Variants in NDUFAF6 observed in about 807,000 individuals in gnomAD.
The protein encoded by NDUFAF6 is NADH dehydrogenase (ubiquinone) complex I, assembly factor 6.
A neutral mutation model predicts 40.8 loss-of-function variants in NDUFAF6; 45 were observed. That is an observed-to-expected ratio of 1.10 (90% CI 0.87 to 1.42). The LOEUF (loss-of-function observed/expected upper bound fraction) is 1.42, where lower values mean the gene tolerates loss of function less well. Ranked by LOEUF, NDUFAF6 falls within the 40% of genes most tolerant of loss-of-function variation. The pLI is 0.00. For missense variants in NDUFAF6, 435 were observed against 418.5 expected (o/e 1.04, Z -0.34); for synonymous variants, 185 against 155.9 (o/e 1.19, Z -1.39).
intron 6 of NDUFAF6, among the ~76,000 whole-genome samples, chr8:95,047,814 T>C (rs112990296): frequency 4.0e-5 from 6 of 151,800 alleles, no homozygotes; most frequent in African/African-American, 9.7e-5. Flanking sequence ...CGGCGAGAAC[T>C]TTGTTTTCTA....
At chr8:95,018,980 C>T (rs1827580498) in intron 2 of NDUFAF6, among the ~76,000 whole-genome samples, 1 of 152,184 alleles carries the variant, frequency 6.6e-6, no homozygotes, top group South Asian at 2.1e-4. Context: ...ATGACATTAT[C>T]ATCAGGATAA....
chr8:95,090,631 G>A (rs555477714), intron 2 of NDUFAF6, among the ~76,000 whole-genome samples: 2 of 152,282 alleles, frequency 1.3e-5, no homozygotes, highest in African/African-American at 4.8e-5. Flanking sequence ...AATACTAGGA[G>A]GGTGTGATGG....
chr8:95,058,498 A>G lies in NDUFAF6; in HGVS notation c.*561A>G, dbSNP rs1832457942. 8.2e-7 allele frequency: 1 copy of G among 1,226,794 alleles called. No homozygotes were observed. The highest frequency in any genetic ancestry group is 4.2e-5 in the Admixed American group (1 of 23,544). The allele number at this position is 1,226,794 out of a possible 1,614,324, so 76.0% of individuals were successfully genotyped here. On this transcript the variant is annotated 3_prime_UTR_variant, in exon 9 of 9. Coordinates refer to ENST00000396124, the MANE Select transcript of NDUFAF6 (RefSeq NM_152416.4). ...AAAATTTATCCATGATAATAACATA[A>G]CTTCTTTAAGGTTGGAGTGGCTGGC...
In NDUFAF6 at chr8:95,086,258, G is replaced by T. The variant is rs377230602; in HGVS notation, n.213+10506G>T. 1.6e-3 allele frequency among the ~76,000 whole-genome samples: 249 copies of T among 152,298 alleles called. 3 individuals are homozygous for T. In the South Asian group the frequency reaches 0.017, roughly 11 times the overall value. On this transcript the variant is annotated intron_variant and non_coding_transcript_variant, in intron 2 of 5. Transcript: ENST00000523184. ...GCCCTACCTTTAATCGGGCTGTGAGGATAGCGACAGGTAATGCCAACTGCA... is the reference window on the plus strand; with the variant it reads ...GCCCTACCTTTAATCGGGCTGTGAGTATAGCGACAGGTAATGCCAACTGCA...
chr8:95,049,763 A>G (rs1367872454), intron 7 of NDUFAF6, among the ~76,000 whole-genome samples: 1 of 151,768 alleles, frequency 6.6e-6, no homozygotes, highest in Non-Finnish European at 1.5e-5. Context: ...CTTTTCCATC[A>G]CCCTCAGTCT....
chr8:94,944,504 A>C (rs527913958), intron 1 of NDUFAF6, among the ~76,000 whole-genome samples: 1 of 152,312 alleles, frequency 6.6e-6, no homozygotes, highest in African/African-American at 2.4e-5. Context: ...GGAGCAGTAC[A>C]AGTCAGTGCT....
chr8:95,080,245 GTAGTGTATTTTTTGTAGTGATTTTTT>G (rs1554689643), downstream of NDUFAF6, among the ~76,000 whole-genome samples: 1 of 150,982 alleles, frequency 6.6e-6, no homozygotes, highest in Non-Finnish European at 1.5e-5. Flanking sequence ...GTGATTTTTT[GTAGTGTATTTTTTGTAGTGATTTTTT>G]GTAGTGTATT....
At chr8:95,105,756 C>T (rs1809825716), downstream of NDUFAF6, among the ~76,000 whole-genome samples, 1 of 151,856 alleles carries the variant, frequency 6.6e-6, no homozygotes, top group South Asian at 2.1e-4. Context: ...CTGCCTTGGC[C>T]TCCCAAATTG....
chr8:95,086,392 C>A (rs935534679), intron 2 of NDUFAF6, among the ~76,000 whole-genome samples: 2 of 152,188 alleles, frequency 1.3e-5, no homozygotes, highest in Admixed American at 1.3e-4. Context: ...TTGCTATTTT[C>A]ATTTGTTACT....
chr8:95,076,777 G>A (rs184374092), downstream of NDUFAF6, among the ~76,000 whole-genome samples: 37 of 151,578 alleles, frequency 2.4e-4, no homozygotes, highest in Admixed American at 2.3e-3. Context: ...GGAGGCTGAG[G>A]CAGGAGAATT....
intron 2 of NDUFAF6, among the ~76,000 whole-genome samples, chr8:94,992,851 G>C (rs558660199): frequency 1.3e-5 from 2 of 152,260 alleles, no homozygotes; most frequent in South Asian, 4.1e-4. Flanking sequence ...AATATTTGTT[G>C]AATGCCGATG....
At chr8:94,955,927 A>G (rs1823030557), upstream of NDUFAF6, among the ~76,000 whole-genome samples, 1 of 152,234 alleles carries the variant, frequency 6.6e-6, no homozygotes, top group African/African-American at 2.4e-5. Context: ...CTCAAACACA[A>G]GTGCAATAGA....
intron 1 of NDUFAF6, among the ~76,000 whole-genome samples, chr8:94,963,749 TCTAGGGAG>T (rs1316264955): frequency 6.6e-6 from 1 of 152,002 alleles, no homozygotes; most frequent in East Asian, 1.9e-4. Flanking sequence ...TGACAGCAGG[TCTAGGGAG>T]CCAGACATCT....
intron 1 of NDUFAF6, among the ~76,000 whole-genome samples, chr8:94,976,639 A>G (rs1389180826): frequency 6.6e-6 from 1 of 151,240 alleles, no homozygotes; most frequent in Non-Finnish European, 1.5e-5. Context: ...ACACCACTGC[A>G]CTCCAACTTG....
intron 2 of NDUFAF6, among the ~76,000 whole-genome samples, chr8:95,034,948 T>TGGCTCACTGCAAC (rs1268360875): frequency 6.6e-6 from 1 of 151,974 alleles, no homozygotes; most frequent in African/African-American, 2.4e-5. Flanking sequence ...GGTGTGATCT[T>TGGCTCACTGCAAC]GGCTCACTGC....
chr8:95,034,518 A>G (rs1829246785), intron 2 of NDUFAF6: 2 of 153,728 alleles, frequency 1.3e-5, no homozygotes, highest in African/African-American at 2.4e-5. Context: ...GAACATTTCC[A>G]TAGCCTTTCT....
chr8:95,053,725 A>G (rs1418114266), intron 8 of NDUFAF6, among the ~76,000 whole-genome samples: 2 of 151,558 alleles, frequency 1.3e-5, no homozygotes, highest in African/African-American at 4.9e-5. Context: ...TCCCAGGTTC[A>G]AGTGATTCTC....
chr8:94,963,780 CA>C (rs201928232), intron 1 of NDUFAF6, among the ~76,000 whole-genome samples: 4,091 of 152,276 alleles, frequency 0.027, 78 homozygotes, highest in Non-Finnish European at 0.04. Context: ...GGCTGAAAGG[CA>C]AGAGCCAGAG....
chr8:94,949,051 G>T (rs1401033903), intron 2 of NDUFAF6: 1 of 148,334 alleles, frequency 6.7e-6, no homozygotes, highest in Admixed American at 6.7e-5. Flanking sequence ...AAGGCAGGGC[G>T]CGCGGCCGGC....
Sources: allele counts gnomAD v4.1 joint callset (sites outside exome capture counted in the v4.1 genomes callset), GRCh38; gene constraint gnomAD v4.1.1; transcripts MANE v1.5; gene names NCBI Gene and HGNC (gene_info 2026-07-23, HGNC 2026-07-21).